Variants in CLASP1 observed in about 807,000 individuals in gnomAD.
CLASP1 encodes the protein CLIP-associating protein 1.
Under a neutral mutation model 192.3 loss-of-function variants are expected in CLASP1, and 38 were observed. The ratio of observed to expected loss-of-function variants is 0.20; its 90% confidence interval spans 0.15 to 0.26. CLASP1 has a LOEUF of 0.26. Among genes scored for constraint, CLASP1 ranks in the 10% least tolerant of loss-of-function variants. CLASP1 has a pLI of 1.00. For synonymous variants in CLASP1, 691 were observed against 712.8 expected (o/e 0.97, Z 0.49); for missense variants, 1,433 against 1,932.5 (o/e 0.74, Z 4.85).
At chr2:121,378,023 T>C (rs1296623086) in intron 33 of CLASP1, among the ~76,000 whole-genome samples, 3 of 152,172 alleles carry the variant, frequency 2.0e-5, no homozygotes, top group Non-Finnish European at 4.4e-5. Flanking sequence ...GTCTCAAATG[T>C]ACAAACTTAA....
chr2:121,493,832 G>A (rs936068095), intron 8 of CLASP1, among the ~76,000 whole-genome samples: 1 of 151,996 alleles, frequency 6.6e-6, no homozygotes, highest in Non-Finnish European at 1.5e-5. Flanking sequence ...ATGGCAAACA[G>A]GCATATTAAA....
chr2:121,563,291 T>C (rs1446697280), intron 2 of CLASP1, among the ~76,000 whole-genome samples: 8 of 152,202 alleles, frequency 5.3e-5, no homozygotes. Flanking sequence ...GACCGCCTGA[T>C]GATTTGTTGA....
At chr2:121,380,522 G>A (rs2071388329) in intron 33 of CLASP1, among the ~76,000 whole-genome samples, 1 of 102,192 alleles carries the variant, frequency 9.8e-6, no homozygotes, top group Non-Finnish European at 1.7e-5. Flanking sequence ...AAGCAGCCCT[G>A]GGCTTGCCCG....
intron 8 of CLASP1, among the ~76,000 whole-genome samples, chr2:121,500,378 AAG>A (rs1294327403): frequency 4.4e-5 from 6 of 135,756 alleles, no homozygotes; most frequent in African/African-American, 1.8e-4. Context: ...GAAAGAAAGA[AAG>A]AAAGAAAGAA....
Position 121,365,283 on chromosome 2 carries a change from C to T in CLASP1, c.3888G>A (p.Val1296=), listed in dbSNP as rs748176405. The T allele has an allele frequency of 1.9e-6, 3 of 1,611,604 alleles. No homozygotes were observed. In the East Asian group the frequency reaches 6.7e-5, roughly 36 times the overall value. The change falls in exon 36 of 40, where the codon GTG becomes GTA. Residue 1296 remains valine (V), a splice_region_variant and synonymous_variant. Transcript: ENST00000263710. Reference sequence around the variant, plus strand: ...CCACCAGGTCAGAATGGTCGATGGGCACTGGTGAAACACACCAGACATACG... The same window carrying T: ...CCACCAGGTCAGAATGGTCGATGGGTACTGGTGAAACACACCAGACATACG...
intron 2 of CLASP1, among the ~76,000 whole-genome samples, chr2:121,590,728 T>C (rs1013846147): frequency 5.9e-5 from 9 of 152,102 alleles, no homozygotes; most frequent in African/African-American, 1.9e-4. Flanking sequence ...CCTCCAGAAA[T>C]GTGTTTGAAA....
intron 8 of CLASP1, among the ~76,000 whole-genome samples, chr2:121,475,958 C>A (rs1277568382): frequency 6.6e-6 from 1 of 152,136 alleles, no homozygotes. Context: ...TCCATTCCAC[C>A]TTCTACAGCA....
rs550736670 is a variant in CLASP1 at position 121,416,101 on chromosome 2, T to C, written c.2320+2521A>G. On this transcript the variant is annotated intron_variant, in intron 23 of 39. Coordinates refer to ENST00000263710, the Ensembl canonical transcript of CLASP1. ...ATCTTGATAGTTCAGACTGAAATAG[T>C]TTTTAAGCAGTACCTGATATGTAGG... Among the ~76,000 whole-genome samples the C allele has an allele frequency of 2.0e-5, 3 of 152,310 alleles. No individual in the cohort carries two copies. The South Asian group carries it at 6.2e-4, about 32-fold the overall frequency.
chr2:121,438,096 A>G (rs1480706909), intron 19 of CLASP1, among the ~76,000 whole-genome samples: 1 of 152,246 alleles, frequency 6.6e-6, no homozygotes, highest in Non-Finnish European at 1.5e-5. Context: ...TGGATATAAC[A>G]CAGAGTATGA....
intron 1 of CLASP1, 38 bp from the exon 2 acceptor site, chr2:121,606,218 A>G: frequency 2.4e-6 from 1 of 424,944 alleles, no homozygotes; most frequent in Admixed American, 4.0e-5. Flanking sequence ...ATTAGCACAG[A>G]TAACATAACA....
intron 22 of CLASP1, among the ~76,000 whole-genome samples, chr2:121,422,233 A>T (rs1276151698): frequency 6.6e-6 from 1 of 152,230 alleles, no homozygotes; most frequent in Non-Finnish European, 1.5e-5. Flanking sequence ...AGAATTAATA[A>T]AAACAACCAG....
chr2:121,500,396 GAAAA>G (rs1341943046), intron 8 of CLASP1, among the ~76,000 whole-genome samples: 5 of 87,366 alleles, frequency 5.7e-5, no homozygotes, highest in African/African-American at 1.6e-4. Context: ...AAGAAAGAAA[GAAAA>G]GAAAGAAAGA....
At chr2:121,566,673 G>C (rs761887093) in intron 2 of CLASP1, among the ~76,000 whole-genome samples, 1 of 152,158 alleles carries the variant, frequency 6.6e-6, no homozygotes, top group South Asian at 2.1e-4. Flanking sequence ...GATGCCACTA[G>C]TAATTTTGAT....
intron 2 of CLASP1, among the ~76,000 whole-genome samples, chr2:121,566,358 T>G (rs1459680168): frequency 6.6e-6 from 1 of 152,240 alleles, no homozygotes; most frequent in East Asian, 1.9e-4. Flanking sequence ...TATTGCTCTG[T>G]AATGTGTTCT....
chr2:121,498,235 A>C (rs1334020132), intron 8 of CLASP1, among the ~76,000 whole-genome samples: 39 of 130,006 alleles, frequency 3.0e-4, no homozygotes, highest in Non-Finnish European at 1.5e-4. Context: ...ACGGAGTCTC[A>C]CGACCAGGCT....
chr2:121,561,320 C>T (rs2059066454), intron 2 of CLASP1, among the ~76,000 whole-genome samples: 1 of 152,220 alleles, frequency 6.6e-6, no homozygotes. Context: ...AGGATTAAGA[C>T]TCATGACTAT....
intron 7 of CLASP1, among the ~76,000 whole-genome samples, chr2:121,509,262 A>G (rs1283638761): frequency 1.3e-5 from 2 of 152,024 alleles, no homozygotes. Context: ...TGCAACCTCA[A>G]CCTCCCAAGC....
chr2:121,547,572 C>T (rs1475309518), intron 2 of CLASP1, among the ~76,000 whole-genome samples: 1 of 152,058 alleles, frequency 6.6e-6, no homozygotes, highest in African/African-American at 2.4e-5. Context: ...CTGCTGCCCC[C>T]AAACTGGAAA....
At chr2:121,628,207 T>C (rs1367140754) in intron 1 of CLASP1, among the ~76,000 whole-genome samples, 1 of 152,212 alleles carries the variant, frequency 6.6e-6, no homozygotes, top group Admixed American at 6.5e-5. Context: ...TTAACAATGT[T>C]AGTATAAACT....
Sources: allele counts gnomAD v4.1 joint callset (sites outside exome capture counted in the v4.1 genomes callset), GRCh38; gene constraint gnomAD v4.1.1; transcripts MANE v1.5; gene names NCBI Gene and HGNC (gene_info 2026-07-23, HGNC 2026-07-21).